Variants in CFAP97D2 observed in about 807,000 individuals in gnomAD.
CFAP97D2 encodes the protein CFAP97 domain containing 2, also known as uncharacterized protein CFAP97D2.
At chr13:114,200,751 G>T (rs1375457388) in intron 3 of CFAP97D2, among the ~76,000 whole-genome samples, 2 of 152,224 alleles carry the variant, frequency 1.3e-5, no homozygotes, top group Non-Finnish European at 2.9e-5. Context: ...ACAGGACCCC[G>T]TGTGGTACGG....
At chr13:114,200,504 G>C (rs952652699) in intron 3 of CFAP97D2, 61 bp downstream of exon 3, 1 of 397,890 alleles carries the variant, frequency 2.5e-6, no homozygotes, top group Non-Finnish European at 4.4e-6. Context: ...GCTGGGAAGG[G>C]GTTGGGGATG....
intron 3 of CFAP97D2, among the ~76,000 whole-genome samples, chr13:114,202,090 A>C (rs1268589097): frequency 6.6e-6 from 1 of 152,120 alleles, no homozygotes; most frequent in Non-Finnish European, 1.5e-5. Flanking sequence ...TCTGGATTTT[A>C]TGTGTATAGG....
intron 1 of CFAP97D2, among the ~76,000 whole-genome samples, chr13:114,190,769 C>A (rs996183427): frequency 2.6e-5 from 4 of 152,198 alleles, no homozygotes; most frequent in Non-Finnish European, 5.9e-5. Context: ...TTGATATCAG[C>A]AAACTCATTC....
chr13:114,187,098 G>A lies in CFAP97D2; in HGVS notation c.90+7678G>A, dbSNP rs9562135. On this transcript the variant is annotated intron_variant, in intron 1 of 4. Coordinates refer to ENST00000646158, the Ensembl canonical transcript of CFAP97D2. This position sits in a 1 kb window ranked among gnomAD's most constrained non-coding sequence, Gnocchi z 4.2. ...CTCACACTACCTGTTAAGCAATATAGTGTTATTTGAAAGTGGACTTGAGTT... is the reference window on the plus strand; with the variant it reads ...CTCACACTACCTGTTAAGCAATATAATGTTATTTGAAAGTGGACTTGAGTT... Among the ~76,000 whole-genome samples, 10,126 of 152,214 alleles carry A rather than the reference G, an allele frequency of 0.067. 682 individuals carry two copies. Among genetic ancestry groups the A allele is most frequent in the East Asian group, 0.35 (1,821 of 5,180 alleles).
intron 2 of CFAP97D2, 115 bp from the exon 3 acceptor site, chr13:114,200,210 C>G (rs1255641482): frequency 2.5e-6 from 1 of 395,252 alleles, no homozygotes; most frequent in Non-Finnish European, 4.5e-6. Flanking sequence ...GGCGCACTCG[C>G]CGATATGAGA....
intron 1 of CFAP97D2, among the ~76,000 whole-genome samples, chr13:114,182,012 A>C (rs1201683918): frequency 3.9e-5 from 6 of 152,154 alleles, no homozygotes; most frequent in South Asian, 2.1e-4. Context: ...ATAGAGAAAT[A>C]ACAGTGGGCC....
rs563088931 is a variant in CFAP97D2, at chr13:114,187,579, G to A, written c.90+8159G>A. ...AGGCATAATAATCCTTAATGTGCAA[G>A]CACCTAACAATAGAATATCAAACTA... On this transcript the variant is annotated intron_variant, in intron 1 of 4. Transcript: ENST00000646158. This position sits in a 1 kb window ranked among gnomAD's most constrained non-coding sequence, Gnocchi z 4.2. Among the ~76,000 whole-genome samples the A allele has an allele frequency of 1.3e-5, 2 of 152,244 alleles. No homozygotes were observed. The highest frequency in any genetic ancestry group is 3.9e-4 in the East Asian group (2 of 5,172).
chr13:114,214,594 G>A (rs1419724781), intron 4 of CFAP97D2, among the ~76,000 whole-genome samples: 12 of 152,004 alleles, frequency 7.9e-5, no homozygotes, highest in Non-Finnish European at 1.8e-4. Flanking sequence ...TTGTTTGTTT[G>A]TTTGTTTGTT....
At chr13:114,206,770 G>A (rs563271384) in intron 3 of CFAP97D2, among the ~76,000 whole-genome samples, 17 of 152,316 alleles carry the variant, frequency 1.1e-4, no homozygotes, top group South Asian at 1.0e-3. Context: ...AACTGCACAC[G>A]ATAAATGAGT....
At chr13:114,182,717 C>A (rs1014424243) in intron 1 of CFAP97D2, among the ~76,000 whole-genome samples, 2 of 152,316 alleles carry the variant, frequency 1.3e-5, no homozygotes, top group Middle Eastern at 3.4e-3. Context: ...TCCTGCACAG[C>A]CCTAGATCCC....
At chr13:114,182,270 C>T (rs957614401) in intron 1 of CFAP97D2, among the ~76,000 whole-genome samples, 9 of 152,034 alleles carry the variant, frequency 5.9e-5, no homozygotes, top group East Asian at 1.9e-4. Flanking sequence ...GCCCAAACAT[C>T]TCAGTGGAGT....
At chr13:114,182,410 G>C (rs200057350) in intron 1 of CFAP97D2, among the ~76,000 whole-genome samples, 8 of 151,944 alleles carry the variant, frequency 5.3e-5, no homozygotes, top group African/African-American at 1.2e-4. Context: ...CCAGGGGCAG[G>C]CAGGAGACAG....
chr13:114,184,524 G>T, intron 1 of CFAP97D2, among the ~76,000 whole-genome samples: 1 of 152,232 alleles, frequency 6.6e-6, no homozygotes, highest in East Asian at 1.9e-4. Flanking sequence ...GAACGAAGAT[G>T]AGAATGACAC....
At chr13:114,221,102 C>G (rs969130752) in intron 4 of CFAP97D2, among the ~76,000 whole-genome samples, 2 of 152,196 alleles carry the variant, frequency 1.3e-5, no homozygotes, top group Non-Finnish European at 2.9e-5. Context: ...CAAAAATTAG[C>G]TGAGTGTAGT....
intron 1 of CFAP97D2, among the ~76,000 whole-genome samples, chr13:114,195,099 C>T (rs1490561033): frequency 1.3e-5 from 2 of 152,296 alleles, no homozygotes; most frequent in Admixed American, 6.5e-5. Flanking sequence ...GCCACCTCCC[C>T]GCCCAGTGGC....
rs1352012800 is a variant in CFAP97D2, at chr13:114,179,622, C to CT, written c.90+205dup. ...CATTAAATAGTTGACGGCTTTCTTTCTTTCTTTTTTTTTTTTGAGATGACA... is the reference window on the plus strand; with the variant it reads ...CATTAAATAGTTGACGGCTTTCTTTCTTTTCTTTTTTTTTTTTGAGATGACA... On this transcript the variant is annotated intron_variant, in intron 1 of 4. Transcript: ENST00000646158. This position sits in a 1 kb window ranked among gnomAD's most constrained non-coding sequence, Gnocchi z 4.8. Among the ~76,000 whole-genome samples the CT allele has an allele frequency of 3.3e-5, 5 of 151,084 alleles. No individual in the cohort carries two copies. In the Admixed American group the frequency reaches 3.3e-4, roughly 10 times the overall value.
At chr13:114,196,908 G>A (rs181391779) in intron 2 of CFAP97D2, among the ~76,000 whole-genome samples, 8 of 152,186 alleles carry the variant, frequency 5.3e-5, no homozygotes, top group Non-Finnish European at 1.2e-4. Flanking sequence ...ACTTGGAGTG[G>A]GAGCAGGGGT....
intron 2 of CFAP97D2, among the ~76,000 whole-genome samples, chr13:114,197,453 T>C (rs2080893135): frequency 6.6e-6 from 1 of 152,160 alleles, no homozygotes; most frequent in Non-Finnish European, 1.5e-5. Flanking sequence ...TGGCCTGAAC[T>C]AGTTTGTCAG....
At position 114,194,235 on chromosome 13, in the gene CFAP97D2, G is replaced by C. The variant is rs138696828; in HGVS notation, c.91-2161G>C. Among the ~76,000 whole-genome samples the C allele has an allele frequency of 1.6e-3, 248 of 152,206 alleles. 2 individuals carry two copies. Among genetic ancestry groups the C allele is most frequent in the Non-Finnish European group, 3.1e-3 (209 of 68,024 alleles). On this transcript the variant is annotated intron_variant, in intron 1 of 4. Coordinates refer to ENST00000646158, the Ensembl canonical transcript of CFAP97D2. ...TCATTCACTGCTGCTAACATCACAAGGTAGAGACAAGCAAAAATTTGTACC... is the reference window on the plus strand; with the variant it reads ...TCATTCACTGCTGCTAACATCACAACGTAGAGACAAGCAAAAATTTGTACC...
Sources: gnomAD v4.1 joint callset for allele counts (sites outside exome capture counted in the v4.1 genomes callset) on GRCh38, gnomAD v4.1.1 for gene constraint, Gnocchi (gnomAD v3.1) non-coding constraint, MANE v1.5 for transcripts, NCBI Gene and HGNC (gene_info 2026-07-23, HGNC 2026-07-21) for gene names.